The following ADCYAP1 variants were observed in gnomAD, a reference collection of about 807,000 sequenced individuals.
ADCYAP1 encodes the protein pituitary adenylate cyclase-activating polypeptide.
Under a neutral mutation model 18.5 loss-of-function variants are expected in ADCYAP1, and 6 were observed. That is an observed-to-expected ratio of 0.32 (90% CI 0.18 to 0.64). The LOEUF is 0.64. Among genes scored for constraint, ADCYAP1 ranks in the 30% least tolerant of loss-of-function variants. ADCYAP1 has a pLI of 0.77. For missense variants in ADCYAP1, 314 were observed against 253.6 expected (o/e 1.24, Z -1.62); for synonymous variants, 136 against 113.9 (o/e 1.19, Z -1.24).
At chr18:905,726 C>G in intron 2 of ADCYAP1, 1 of 573,872 alleles carries the variant, frequency 1.7e-6, no homozygotes, top group Non-Finnish European at 3.1e-6. Context: ...AGCTCAGGGT[C>G]CCGGGTAGAG....
rs2231190 is a variant in ADCYAP1, at chr18:909,710, C to T, written c.*75C>T. 1.4e-3 allele frequency: 1,922 copies of T among 1,372,344 alleles called. 39 individuals carry two copies. In the East Asian group the frequency reaches 0.041, roughly 30 times the overall value. 85.0% of individuals were successfully genotyped at this position (1,372,344 alleles called of 1,614,324 possible). On this transcript the variant is annotated 3_prime_UTR_variant, in exon 5 of 5. Coordinates refer to ENST00000450565, the MANE Select transcript of ADCYAP1 (RefSeq NM_001099733.2). ...TCGTTTTCCAAACTGACTCAACAGT[C>T]ATCGCTCGTGTGTTCTATCCAAACA...
At position 909,677 on chromosome 18, in the gene ADCYAP1, A is replaced by G. The variant is rs1461008139; in HGVS notation, c.*42A>G. 1.3e-6 allele frequency: 2 copies of G among 1,557,388 alleles called. No individual in the cohort carries two copies. Among genetic ancestry groups the G allele is most frequent in the Non-Finnish European group, 1.7e-6 (2 of 1,143,334 alleles). ...ACCCTGTGTATACAGCCCTGACGCA[A>G]TGAAAAGTCGTTTTCCAAACTGACT... is the stretch of plus-strand genomic sequence containing the variant. On this transcript the variant is annotated 3_prime_UTR_variant, in exon 5 of 5. Coordinates refer to ENST00000450565, the MANE Select transcript of ADCYAP1 (RefSeq NM_001099733.2).
At chr18:908,861 A>T (rs1909278588) in intron 4 of ADCYAP1, among the ~76,000 whole-genome samples, 1 of 152,222 alleles carries the variant, frequency 6.6e-6, no homozygotes, top group African/African-American at 2.4e-5. Flanking sequence ...CAACATTCTA[A>T]TAAAGCCCGT....
chr18:909,650 C>T lies in ADCYAP1; in HGVS notation c.*15C>T, dbSNP rs1479717483. On this transcript the variant is annotated 3_prime_UTR_variant, in exon 5 of 5. Coordinates refer to ENST00000450565, the MANE Select transcript of ADCYAP1 (RefSeq NM_001099733.2). ...CTTATTTGTAGCGATGGGTTACCAG[C>T]TACCCTGTGTATACAGCCCTGACGC... 1.9e-6 allele frequency: 3 copies of T among 1,611,352 alleles called. No homozygotes were observed. The highest frequency in any genetic ancestry group is 2.5e-6 in the Non-Finnish European group (3 of 1,178,238).
chr18:905,678 G>A, intron 2 of ADCYAP1, 182 bp downstream of exon 2: 2 of 729,246 alleles, frequency 2.7e-6, no homozygotes, highest in Non-Finnish European at 4.4e-6. Flanking sequence ...GGTCTGGCAG[G>A]CTCCGCGACT....
At chr18:907,580 G>C (rs995922776) in intron 2 of ADCYAP1, 79 bp from the exon 3 acceptor site, 1 of 1,440,960 alleles carries the variant, frequency 6.9e-7, no homozygotes. Context: ...AAATCCGCGC[G>C]AGCCCCTTAC....
rs35018620 is a variant in ADCYAP1 at position 909,873 on chromosome 18, A to AATATATATATATATAT, written c.*256_*271dup. ...ATATATATTATAAATATATATAAAG[A>AATATATATATATATAT]ATATATATATATATATATATATATA... On this transcript the variant is annotated 3_prime_UTR_variant, in exon 5 of 5. Transcript: ENST00000450565. 14 of 143,420 alleles carry AATATATATATATATAT rather than the reference A, an allele frequency of 9.8e-5. No individual in the cohort carries two copies. The highest frequency in any genetic ancestry group is 6.8e-4 in the South Asian group (3 of 4,390). The allele number at this position is 143,420 out of a possible 1,614,324, so 8.9% of individuals were successfully genotyped here.
chr18:908,627 AC>A (rs1454467445), intron 4 of ADCYAP1, among the ~76,000 whole-genome samples: 4 of 152,024 alleles, frequency 2.6e-5, no homozygotes, highest in Non-Finnish European at 4.4e-5. Context: ...ACCAAACCAA[AC>A]CTCTCAGTCA....
intron 4 of ADCYAP1, 79 bp downstream of exon 4, chr18:908,442 G>T: frequency 7.9e-7 from 1 of 1,258,810 alleles, no homozygotes. Flanking sequence ...GCGGCGGTGG[G>T]TGCCCGTGGG....
In ADCYAP1 at chr18:905,200, A is replaced by ATT. The variant is rs566002626; in HGVS notation, c.-2+146_-2+147dup. ...GCGCCGGGTAGATGCATATATATAT[A>ATT]TTTTTTTCTAACTATAGCAAGCAAG... On this transcript the variant is annotated intron_variant, in intron 1 of 4. Coordinates refer to ENST00000450565, the MANE Select transcript of ADCYAP1 (RefSeq NM_001099733.2). 3.1e-3 allele frequency: 4,412 copies of ATT among 1,410,190 alleles called. 17 individuals carry two copies. The highest frequency in any genetic ancestry group is 3.3e-3 in the Non-Finnish European group (3,567 of 1,082,870). 87.4% of individuals were successfully genotyped at this position (1,410,190 alleles called of 1,614,324 possible). A position where few individuals can be genotyped will look rare whatever the true frequency, so the allele number is the denominator to read the frequency against.
chr18:908,359 G>C lies in ADCYAP1; in HGVS notation c.337G>C (p.Val113Leu). ...CCTGCAGTCGCTCGTGGCCCGGGGC[G>C]TGGGGTAAGAGTTTGTGGAAGGATT... ...KHLQSLVARGVGGSLGGGAGD... is the reference protein window; with the variant it reads ...KHLQSLVARGLGGSLGGGAGD... The change falls in exon 4 of 5, where the codon GTG (valine) becomes CTG (leucine). Residue 113 changes from valine to leucine, a missense_variant. Coordinates refer to ENST00000450565, the MANE Select transcript of ADCYAP1 (RefSeq NM_001099733.2). 6.2e-7 allele frequency: 1 copy of C among 1,612,574 alleles called. No individual in the cohort carries two copies. Among genetic ancestry groups the C allele is most frequent in the Non-Finnish European group, 8.5e-7 (1 of 1,179,392 alleles).
At chr18:907,459 G>T (rs1909211802) in intron 2 of ADCYAP1, 200 bp from the exon 3 acceptor site, 1 of 514,728 alleles carries the variant, frequency 1.9e-6, no homozygotes, top group East Asian at 3.7e-5. Context: ...TGGGCGGGCC[G>T]CCCGGCGGGG....
At chr18:908,223 C>A in intron 3 of ADCYAP1, 42 bp from the exon 4 acceptor site, 1 of 1,565,508 alleles carries the variant, frequency 6.4e-7, no homozygotes, top group Non-Finnish European at 8.7e-7. Context: ...CACCTGGGGA[C>A]AGAAACAGTG....
In ADCYAP1 at chr18:907,848, G is replaced by C. The variant is rs1320357926; in HGVS notation, c.242+58G>C. ...GCTGGGAGCTCGGGACTGCGGTGACGGGAGGGGCAGTGTGGTGACCCACCC... is the reference window on the plus strand; with the variant it reads ...GCTGGGAGCTCGGGACTGCGGTGACCGGAGGGGCAGTGTGGTGACCCACCC... On this transcript the variant is annotated intron_variant, in intron 3 of 4. Coordinates refer to ENST00000450565, the MANE Select transcript of ADCYAP1 (RefSeq NM_001099733.2). 3 of 1,411,698 alleles carry C rather than the reference G, an allele frequency of 2.1e-6. No individual in the cohort carries two copies. In the South Asian group the frequency reaches 4.8e-5, roughly 23 times the overall value. The allele number at this position is 1,411,698 out of a possible 1,614,324, so 87.4% of individuals were successfully genotyped here.
upstream of ADCYAP1, chr18:904,597 A>C (rs373134379): frequency 2.1e-5 from 27 of 1,266,710 alleles, no homozygotes; most frequent in East Asian, 2.8e-4. Context: ...CTCGGAGCAG[A>C]GAAGGCGCCG....
At chr18:905,117 G>A (rs1909111346) in intron 1 of ADCYAP1, 57 bp downstream of exon 1, 4 of 1,357,496 alleles carry the variant, frequency 2.9e-6, no homozygotes, top group Non-Finnish European at 3.8e-6. Context: ...TGATTCTTTC[G>A]CTTGGCATCG....
At chr18:904,794 T>C, upstream of ADCYAP1, 1 of 1,282,738 alleles carries the variant, frequency 7.8e-7, no homozygotes, top group South Asian at 1.2e-5. Flanking sequence ...TCTTTCTTTC[T>C]TCTGCCTCTC....
chr18:906,444 T>A (rs1486084732), intron 2 of ADCYAP1: 1 of 152,266 alleles, frequency 6.6e-6, no homozygotes, highest in African/African-American at 2.4e-5. Flanking sequence ...ACATTAGCTC[T>A]GGGGGGCCGC....
At chr18:908,641 C>G in intron 4 of ADCYAP1, among the ~76,000 whole-genome samples, 1 of 152,176 alleles carries the variant, frequency 6.6e-6, no homozygotes, top group East Asian at 1.9e-4. Context: ...CTCAGTCATC[C>G]AAAACCTTCA....
Sources: allele counts gnomAD v4.1 joint callset (sites outside exome capture counted in the v4.1 genomes callset), GRCh38; gene constraint gnomAD v4.1.1; transcripts MANE v1.5; gene names NCBI Gene and HGNC (gene_info 2026-07-23, HGNC 2026-07-21).